RBM14: variants seen among roughly 807,000 people sequenced by gnomAD.
RBM14 encodes RNA-binding protein 14.
Under a neutral mutation model 52.8 loss-of-function variants are expected in RBM14, and 5 were observed. That is an observed-to-expected ratio of 0.09 (90% CI 0.05 to 0.20). The LOEUF (loss-of-function observed/expected upper bound fraction) is 0.20. RBM14 is among the 10% of genes least tolerant of loss of function. The pLI is 1.00. For missense variants in RBM14, 780 were observed against 926.6 expected, an observed-to-expected ratio of 0.84 and a Z score of 2.05; for synonymous variants, 411 against 401.8, an observed-to-expected ratio of 1.02 and a Z score of -0.28.
At chr11:66,623,979 A>G in intron 1 of RBM14, 1 of 757,504 alleles carries the variant, frequency 1.3e-6, no homozygotes, top group Middle Eastern at 2.2e-4. Context: ...GTGAGATGGC[A>G]GGGTTTGTAA....
intron 1 of RBM14, chr11:66,623,882 T>C (rs184797189): frequency 4.4e-4 from 314 of 717,650 alleles, no homozygotes; most frequent in Middle Eastern, 1.1e-3. Flanking sequence ...CATTTTGTTC[T>C]GCTGGTTTGT....
At chr11:66,621,131 A>G (rs1376925954) in intron 1 of RBM14, among the ~76,000 whole-genome samples, 2 of 151,772 alleles carry the variant, frequency 1.3e-5, no homozygotes, top group Non-Finnish European at 2.9e-5. Flanking sequence ...TCAGTCTCCC[A>G]AAGTATTAGG....
chr11:66,625,304 C>G lies in RBM14; in HGVS notation c.1428C>G (p.Ala476=), dbSNP rs779804041. The G allele has an allele frequency of 6.2e-7, 1 of 1,612,010 alleles. No individual in the cohort carries two copies. Among genetic ancestry groups the G allele is most frequent in the South Asian group, 1.1e-5 (1 of 91,046 alleles). ...VVQTQLNSYG[A]QASMGLSGSY... is the part of the protein sequence containing the mutation. ...AGACCCAGCTGAATAGTTACGGGGCCCAAGCATCAATGGGCCTTTCAGGCT... is the reference window on the plus strand; with the variant it reads ...AGACCCAGCTGAATAGTTACGGGGCGCAAGCATCAATGGGCCTTTCAGGCT... Residue 476 remains alanine (A), a synonymous_variant, in exon 2 of 3, where the codon GCC becomes GCG. Coordinates refer to ENST00000310137, the MANE Select transcript of RBM14 (RefSeq NM_006328.4). The surrounding 1 kb of genome is among the most constrained non-coding windows in gnomAD (Gnocchi z 4.2).
Position 66,624,807 on chromosome 11 carries a change from T to C in RBM14, c.931T>C (p.Ser311Pro), listed in dbSNP as rs1268268271. Reference sequence around the variant, plus strand: ...CGGCCCATATGGTGGAGCCCAGCCCTCAGCCTCGGCCCTTTCCTCCTATGG... The same window carrying C: ...CGGCCCATATGGTGGAGCCCAGCCCCCAGCCTCGGCCCTTTCCTCCTATGG... ...SLGPYGGAQP[S>P]ASALSSYGGQ... Residue 311 changes from serine (S) to proline (P), a missense_variant, in exon 2 of 3, where the codon TCA becomes CCA. By Grantham distance (74) the Ser-to-Pro change is moderately conservative. This residue lies in a region of RBM14 where 675 missense variants were observed against 697.3 expected (regional missense o/e 0.97). Coordinates refer to ENST00000310137, the MANE Select transcript of RBM14 (RefSeq NM_006328.4). This position sits in a 1 kb window ranked among gnomAD's most constrained non-coding sequence, Gnocchi z 4.7. 1.9e-6 allele frequency: 3 copies of C among 1,614,054 alleles called. No individual in the cohort carries two copies. Among genetic ancestry groups the C allele is most frequent in the Non-Finnish European group, 2.5e-6 (3 of 1,179,966 alleles).
At chr11:66,618,288 G>C (rs1858939761) in intron 1 of RBM14, among the ~76,000 whole-genome samples, 1 of 152,132 alleles carries the variant, frequency 6.6e-6, no homozygotes, top group African/African-American at 2.4e-5. Context: ...CTCATACCCT[G>C]TGTGAGAAGT....
rs1937869861 is a variant in RBM14 at position 66,627,483 on chromosome 11, T to C, written c.*815T>C. 1 of 152,186 alleles carries C rather than the reference T, an allele frequency of 6.6e-6. No homozygotes were observed. The highest frequency in any genetic ancestry group is 2.4e-5 in the African/African-American group (1 of 41,442). 9.4% of individuals were successfully genotyped at this position (152,186 alleles called of 1,614,324 possible). Reference sequence around the variant, plus strand: ...GGTTTGAATGTCGGAATTAGAAGGATTGCCCTGTGGCCCAGAAGGATTTAG... The same window carrying C: ...GGTTTGAATGTCGGAATTAGAAGGACTGCCCTGTGGCCCAGAAGGATTTAG... On this transcript the variant is annotated 3_prime_UTR_variant, in exon 3 of 3. Coordinates refer to ENST00000310137, the MANE Select transcript of RBM14 (RefSeq NM_006328.4).
intron 1 of RBM14, among the ~76,000 whole-genome samples, chr11:66,623,115 A>G (rs771027751): frequency 3.3e-5 from 5 of 152,222 alleles, no homozygotes; most frequent in Non-Finnish European, 5.9e-5. Context: ...CTGCAGGGGT[A>G]ACCTGGTTAG....
rs780364804 is a variant in RBM14, at chr11:66,625,169, C to T, written c.1293C>T (p.Ala431=). The part of the protein sequence containing the change: ...QAASYSSQPA[A]YVAQPATAAA... ...CTTCCTACTCTTCCCAACCTGCTGC[C>T]TATGTGGCACAGCCAGCCACAGCTG... Residue 431 remains alanine, a synonymous_variant, in exon 2 of 3, where the codon GCC becomes GCT. Transcript: ENST00000310137. The surrounding 1 kb of genome is among the most constrained non-coding windows in gnomAD (Gnocchi z 4.2). 4 of 1,612,556 alleles carry T rather than the reference C, an allele frequency of 2.5e-6. No individual in the cohort carries two copies. Among genetic ancestry groups the T allele is most frequent in the African/African-American group, 1.3e-5 (1 of 75,026 alleles).
intron 1 of RBM14, 189 bp downstream of exon 1, chr11:66,617,246 C>CA: frequency 7.1e-7 from 1 of 1,399,326 alleles, no homozygotes; most frequent in Non-Finnish European, 9.3e-7. Flanking sequence ...AACCGTCCAC[C>CA]AAGTAGGAGG....
chr11:66,626,723 G>C lies in RBM14; in HGVS notation c.*55G>C. On this transcript the variant is annotated 3_prime_UTR_variant, in exon 3 of 3. Coordinates refer to ENST00000310137, the MANE Select transcript of RBM14 (RefSeq NM_006328.4). ...GGGAGGGAGAAAAGAGGTGGGTAGG[G>C]TTACAGATCCAGGTTATAACTACTC... The C allele has an allele frequency of 1.4e-6, 2 of 1,478,662 alleles. No homozygotes were observed. The highest frequency in any genetic ancestry group is 4.0e-5 in the Admixed American group (2 of 49,970). The allele number at this position is 1,478,662 out of a possible 1,614,324, so 91.6% of individuals were successfully genotyped here. A position where few individuals can be genotyped will look rare whatever the true frequency, so the allele number is the denominator to read the frequency against.
At chr11:66,623,419 A>T (rs970188020) in intron 1 of RBM14, among the ~76,000 whole-genome samples, 1 of 152,150 alleles carries the variant, frequency 6.6e-6, no homozygotes, top group Non-Finnish European at 1.5e-5. Flanking sequence ...TTATACCTTG[A>T]CTTCTCAGGG....
chr11:66,628,867 C>CA lies in RBM14; in HGVS notation c.*2205dup, dbSNP rs747538049. ...CACTGTCTCAATCCCTTGGTTCCTG[C>CA]AAAAAACAGCTAAATGTGCTCTCAG... On this transcript the variant is annotated 3_prime_UTR_variant, in exon 3 of 3. Coordinates refer to ENST00000310137, the MANE Select transcript of RBM14 (RefSeq NM_006328.4). 1.2e-4 allele frequency among the ~76,000 whole-genome samples: 19 copies of CA among 152,254 alleles called. No homozygotes were observed. Among genetic ancestry groups the CA allele is most frequent in the Middle Eastern group, 6.8e-3 (2 of 294 alleles).
intron 1 of RBM14, among the ~76,000 whole-genome samples, chr11:66,621,709 C>T (rs1859121602): frequency 6.6e-6 from 1 of 152,078 alleles, no homozygotes; most frequent in Non-Finnish European, 1.5e-5. Flanking sequence ...GTGCCAGCTT[C>T]TAAGTTTGCA....
chr11:66,625,297 A>G lies in RBM14; in HGVS notation c.1421A>G (p.Tyr474Cys). The stretch of plus-strand genomic sequence containing the variant: ...GTTGTGCAGACCCAGCTGAATAGTT[A>G]CGGGGCCCAAGCATCAATGGGCCTT... ...QPVVQTQLNS[Y>C]GAQASMGLSG... Residue 474 changes from tyrosine (Y) to cysteine (C), a missense_variant, in exon 2 of 3, where the codon TAC becomes TGC. Transcript: ENST00000310137. The surrounding 1 kb of genome is among the most constrained non-coding windows in gnomAD (Gnocchi z 4.2). 1 of 1,612,266 alleles carries G rather than the reference A, an allele frequency of 6.2e-7. No homozygotes were observed. The highest frequency in any genetic ancestry group is 2.2e-5 in the East Asian group (1 of 44,752).
chr11:66,629,320 T>C lies in RBM14; in HGVS notation c.*2652T>C, dbSNP rs758925549. Among the ~76,000 whole-genome samples the C allele has an allele frequency of 1.0e-3, 156 of 152,362 alleles. No homozygotes were observed. Among genetic ancestry groups the C allele is most frequent in the Non-Finnish European group, 2.0e-3 (134 of 68,032 alleles). ...CTTCATTGGAGAAGTTTTAGTTGGC[T>C]TATTCCTGGAACAAGACCACCTAGA... On this transcript the variant is annotated 3_prime_UTR_variant, in exon 3 of 3. Transcript: ENST00000310137.
chr11:66,623,140 T>C (rs1345095440), intron 1 of RBM14, among the ~76,000 whole-genome samples: 1 of 152,246 alleles, frequency 6.6e-6, no homozygotes. Flanking sequence ...GCCTGTTAGC[T>C]GCAGTAATTG....
In RBM14 at chr11:66,628,875, A is replaced by G. The variant is rs1937929477; in HGVS notation, c.*2207A>G. Among the ~76,000 whole-genome samples the G allele has an allele frequency of 6.6e-6, 1 of 152,174 alleles. No individual in the cohort carries two copies. Among genetic ancestry groups the G allele is most frequent in the African/African-American group, 2.4e-5 (1 of 41,430 alleles). On this transcript the variant is annotated 3_prime_UTR_variant, in exon 3 of 3. Coordinates refer to ENST00000310137, the MANE Select transcript of RBM14 (RefSeq NM_006328.4). ...CAATCCCTTGGTTCCTGCAAAAAAC[A>G]GCTAAATGTGCTCTCAGGGCCAGTG...
Position 66,625,707 on chromosome 11 carries a change from C to A in RBM14, c.1802+29C>A. On this transcript the variant is annotated intron_variant, in intron 2 of 2. Coordinates refer to ENST00000310137, the MANE Select transcript of RBM14 (RefSeq NM_006328.4). This position sits in a 1 kb window ranked among gnomAD's most constrained non-coding sequence, Gnocchi z 4.2. ...CTGTATGCCCCCCCGCCTCTGCCCC[C>A]AGCTGGGGCTTAGGGCAAGGGGCTG... The A allele has an allele frequency of 6.5e-7, 1 of 1,527,006 alleles. No homozygotes were observed. The highest frequency in any genetic ancestry group is 8.9e-7 in the Non-Finnish European group (1 of 1,125,398). 94.6% of individuals were successfully genotyped at this position (1,527,006 alleles called of 1,614,324 possible).
chr11:66,621,967 T>C (rs1859133112), intron 1 of RBM14, among the ~76,000 whole-genome samples: 1 of 152,196 alleles, frequency 6.6e-6, no homozygotes, highest in Middle Eastern at 3.4e-3. Flanking sequence ...CAGGCTGGAG[T>C]GCAGTGATCT....
Sources: allele counts gnomAD v4.1 joint callset (sites outside exome capture counted in the v4.1 genomes callset), GRCh38; gene constraint gnomAD v4.1.1; regional missense constraint gnomAD v4.1.1; non-coding constraint Gnocchi (gnomAD v3.1); transcripts MANE v1.5; gene names NCBI Gene and HGNC (gene_info 2026-07-23, HGNC 2026-07-21).